KLHL32: variants seen among roughly 807,000 people sequenced by gnomAD.
KLHL32 encodes kelch-like protein 32.
Under a neutral mutation model 64.8 loss-of-function variants are expected in KLHL32, and 35 were observed. The ratio of observed to expected loss-of-function variants is 0.54; its 90% CI spans 0.41 to 0.72. The LOEUF (loss-of-function observed/expected upper bound fraction) is 0.72. Among genes scored for constraint, KLHL32 ranks in the 30% least tolerant of loss-of-function variants. The pLI, the probability that KLHL32 is intolerant of heterozygous loss-of-function variation, is 0.00. For synonymous variants in KLHL32, 259 were observed against 281.0 expected (o/e 0.92, Z 0.78); for missense variants, 589 against 768.5 (o/e 0.77, Z 2.76).
chr6:97,123,141 GC>G (rs1798535028), intron 7 of KLHL32, among the ~76,000 whole-genome samples: 1 of 152,268 alleles, frequency 6.6e-6, no homozygotes, highest in Admixed American at 6.5e-5. Context: ...AATTAGCAGA[GC>G]CATCAGACTT....
rs748521738 is a variant in KLHL32, at chr6:97,126,201, ATAT to A, written c.1355-1198_1355-1196del. On this transcript the variant is annotated intron_variant, in intron 7 of 10. Transcript: ENST00000369261. ...CTTTGTGATACTGATTAAAATAAGA[ATAT>A]TATTCATTTTACACCAGTGTCTAGA... is the stretch of plus-strand genomic sequence containing the variant. 3.3e-5 allele frequency among the ~76,000 whole-genome samples: 5 copies of A among 152,176 alleles called. No homozygotes were observed. The South Asian group carries it at 6.2e-4, about 19-fold the overall frequency.
chr6:97,023,949 A>G (rs952562150), intron 3 of KLHL32, among the ~76,000 whole-genome samples: 2 of 152,240 alleles, frequency 1.3e-5, no homozygotes, highest in African/African-American at 4.8e-5. Context: ...GTGTGAAAAA[A>G]TATAGTCCAA....
the KLHL32 span, among the ~76,000 whole-genome samples, chr6:96,913,578 C>T: frequency 6.6e-6 from 1 of 152,200 alleles, no homozygotes; most frequent in Non-Finnish European, 1.5e-5. Context: ...GCGGTGCAAG[C>T]AGGCTCCAGC....
intron 1 of KLHL32, among the ~76,000 whole-genome samples, chr6:96,929,730 T>A (rs1000244975): frequency 6.6e-6 from 1 of 152,246 alleles, no homozygotes; most frequent in Non-Finnish European, 1.5e-5. Context: ...TGTATTTAAT[T>A]TAACTTGATT....
intron 1 of KLHL32, among the ~76,000 whole-genome samples, chr6:96,936,753 T>G (rs1429070820): frequency 6.6e-6 from 1 of 152,168 alleles, no homozygotes; most frequent in Non-Finnish European, 1.5e-5. Flanking sequence ...TGCAGCAGCT[T>G]CCATCCCAAG....
intron 4 of KLHL32, among the ~76,000 whole-genome samples, chr6:97,047,060 T>C (rs1195671362): frequency 6.6e-6 from 1 of 152,204 alleles, no homozygotes; most frequent in Non-Finnish European, 1.5e-5. Context: ...AATGAATGCC[T>C]CTAAGTGTAA....
intron 4 of KLHL32, among the ~76,000 whole-genome samples, chr6:97,051,296 A>C (rs1582850548): frequency 1.3e-5 from 2 of 151,898 alleles, no homozygotes; most frequent in East Asian, 3.9e-4. Flanking sequence ...TCTCCTTCCA[A>C]CTCTCAGCAC....
intron 3 of KLHL32, among the ~76,000 whole-genome samples, chr6:97,040,576 T>C (rs1376005379): frequency 6.6e-6 from 1 of 152,164 alleles, no homozygotes; most frequent in East Asian, 1.9e-4. Flanking sequence ...CCTGAGAGTC[T>C]GTACTCAGAC....
chr6:97,096,022 G>A (rs1048452062), intron 6 of KLHL32, among the ~76,000 whole-genome samples: 1 of 151,958 alleles, frequency 6.6e-6, no homozygotes, highest in African/African-American at 2.4e-5. Flanking sequence ...AATGAGGCCC[G>A]GTTCAGAGGC....
chr6:97,045,610 A>C (rs1562276185), intron 4 of KLHL32, among the ~76,000 whole-genome samples: 1 of 152,240 alleles, frequency 6.6e-6, no homozygotes, highest in Admixed American at 6.5e-5. Context: ...CAAGAGCACA[A>C]ATTCCTGGGA....
At chr6:97,076,177 G>C (rs913977114) in intron 5 of KLHL32, among the ~76,000 whole-genome samples, 3 of 152,134 alleles carry the variant, frequency 2.0e-5, no homozygotes, top group Non-Finnish European at 4.4e-5. Flanking sequence ...CTTATCTCCA[G>C]TGAAGTATTT....
In KLHL32 at chr6:97,072,525, C is replaced by T. The variant is rs112828678; in HGVS notation, c.411+7799C>T. On this transcript the variant is annotated intron_variant, in intron 5 of 10. Transcript: ENST00000369261. ...GGTTCACTCCTTTTAATTTGGTACA[C>T]AGGGCCTGTCTTTATTATGAAATGT... Among the ~76,000 whole-genome samples, 1,346 of 150,152 alleles carry T rather than the reference C, an allele frequency of 9.0e-3. 21 individuals are homozygous for T. Among genetic ancestry groups the T allele is most frequent in the African/African-American group, 0.03 (1,229 of 40,868 alleles).
rs149736295 is a variant in KLHL32, at chr6:97,034,837, GT to G, written c.205-6653del. On this transcript the variant is annotated intron_variant, in intron 3 of 10. Coordinates refer to ENST00000369261, the MANE Select transcript of KLHL32 (RefSeq NM_052904.4). ...ACACAAATACCACAGATTTTTGTAT[GT>G]TAATTTTGCACCAAAAAACTTTGTT... 5.1e-3 allele frequency among the ~76,000 whole-genome samples: 776 copies of G among 152,012 alleles called. 14 individuals are homozygous for G. The highest frequency in any genetic ancestry group is 0.018 in the African/African-American group (747 of 41,524).
At chr6:96,954,290 T>G (rs1772985438) in intron 1 of KLHL32, among the ~76,000 whole-genome samples, 1 of 150,942 alleles carries the variant, frequency 6.6e-6, no homozygotes, top group Non-Finnish European at 1.5e-5. Flanking sequence ...TGGAAAAAAT[T>G]GTTTTAGTTT....
At position 97,084,383 on chromosome 6, in the gene KLHL32, G is replaced by C. The variant is rs1464000191; in HGVS notation, c.412-743G>C. 2.6e-5 allele frequency among the ~76,000 whole-genome samples: 4 copies of C among 152,116 alleles called. No individual in the cohort carries two copies. The East Asian group carries it at 5.8e-4, about 22-fold the overall frequency. On this transcript the variant is annotated intron_variant, in intron 5 of 10. Coordinates refer to ENST00000369261, the MANE Select transcript of KLHL32 (RefSeq NM_052904.4). ...GTGGCTCTCTGGAGGCATAATTGTAGAGCCCTGGCTATGAGCTTGAGACTG... is the reference window on the plus strand; with the variant it reads ...GTGGCTCTCTGGAGGCATAATTGTACAGCCCTGGCTATGAGCTTGAGACTG...
chr6:97,004,867 C>T (rs1206089), intron 3 of KLHL32, among the ~76,000 whole-genome samples: 56,551 of 151,678 alleles, frequency 0.37, 12,122 homozygotes, highest in African/African-American at 0.56. Context: ...GCTGCTGGGT[C>T]TGGTTTATTA....
intron 3 of KLHL32, among the ~76,000 whole-genome samples, chr6:97,011,523 A>G (rs1166393767): frequency 2.6e-5 from 4 of 152,262 alleles, no homozygotes; most frequent in Admixed American, 1.3e-4. Context: ...TCTCTTTAAA[A>G]GAGCAAAGAA....
chr6:97,135,428 C>T (rs1799895225), intron 10 of KLHL32, among the ~76,000 whole-genome samples: 1 of 151,000 alleles, frequency 6.6e-6, no homozygotes, highest in Admixed American at 6.6e-5. Flanking sequence ...GCCTCAGCCT[C>T]CTGAGTAACT....
At chr6:96,978,809 A>C (rs1775986194) in intron 3 of KLHL32, among the ~76,000 whole-genome samples, 2 of 151,930 alleles carry the variant, frequency 1.3e-5, no homozygotes. Flanking sequence ...ATCATCTGCT[A>C]TTTTTTTACT....
Sources: gnomAD v4.1 joint callset for allele counts (sites outside exome capture counted in the v4.1 genomes callset) on GRCh38, gnomAD v4.1.1 for gene constraint, MANE v1.5 for transcripts, NCBI Gene and HGNC (gene_info 2026-07-23, HGNC 2026-07-21) for gene names.